Variants in ADGRG3 observed in about 807,000 individuals in gnomAD.
ADGRG3 encodes the protein adhesion G protein-coupled receptor G3, also known as G protein-coupled receptor 97.
Under a neutral mutation model 54.3 loss-of-function variants are expected in ADGRG3, and 39 were observed. That is an observed-to-expected ratio of 0.72 (90% CI 0.56 to 0.94). The LOEUF is 0.94. Ranked by LOEUF, ADGRG3 falls within the 40% of genes least tolerant of loss-of-function variation. The pLI, the probability that ADGRG3 is intolerant of heterozygous loss-of-function variation, is 0.00. For missense variants in ADGRG3, 654 were observed against 694.6 expected, an observed-to-expected ratio of 0.94 and a Z score of 0.66; for synonymous variants, 312 against 290.0, an observed-to-expected ratio of 1.08 and a Z score of -0.77.
intron 11 of ADGRG3, 71 bp downstream of exon 11, chr16:57,685,997 A>G: frequency 1.3e-6 from 2 of 1,507,256 alleles, no homozygotes; most frequent in Non-Finnish European, 1.8e-6. Flanking sequence ...GGTGGGGAAG[A>G]GGGTGGTTTG....
At chr16:57,668,268 G>T, upstream of ADGRG3, 1 of 1,207,690 alleles carries the variant, frequency 8.3e-7, no homozygotes, top group South Asian at 1.3e-5. Flanking sequence ...TGCAGGGTGG[G>T]GGCAGGCCAG....
In ADGRG3 at chr16:57,684,104, G is replaced by A; in HGVS notation, c.1054G>A (p.Ala352Thr). 1 of 1,614,108 alleles carries A rather than the reference G, an allele frequency of 6.2e-7. No homozygotes were observed. Residue 352 changes from alanine to threonine, a missense_variant, in exon 9 of 12, where the codon GCC becomes ACC. Ala to Thr is a moderately conservative substitution (Grantham distance 58, BLOSUM62 0). Coordinates refer to ENST00000333493, the MANE Select transcript of ADGRG3 (RefSeq NM_170776.5). ...GAVFHYFLLC[A>T]FTWMGLEAFH... ...TGTCTTCCACTACTTCCTGCTCTGTGCCTTCACCTGGATGGGCCTTGAAGC... is the reference window on the plus strand; with the variant it reads ...TGTCTTCCACTACTTCCTGCTCTGTACCTTCACCTGGATGGGCCTTGAAGC...
chr16:57,673,080 CT>C (rs1344853247), intron 1 of ADGRG3, among the ~76,000 whole-genome samples: 1 of 152,164 alleles, frequency 6.6e-6, no homozygotes, highest in Non-Finnish European at 1.5e-5. Flanking sequence ...TGTGCCAAGC[CT>C]TTTGTACATG....
intron 2 of ADGRG3, 148 bp from the exon 3 acceptor site, chr16:57,676,052 C>T (rs576245914): frequency 1.5e-4 from 95 of 619,442 alleles, no homozygotes; most frequent in African/African-American, 1.1e-3. Flanking sequence ...GCAGCCTGGA[C>T]GGCCCCCAAG....
chr16:57,678,052 A>G (rs1175503120), intron 3 of ADGRG3, 118 bp from the exon 4 acceptor site: 2 of 1,252,172 alleles, frequency 1.6e-6, no homozygotes, highest in Non-Finnish European at 2.3e-6. Flanking sequence ...CTCAGAGCTG[A>G]CAGTCCCCAG....
In ADGRG3 at chr16:57,685,649, G is replaced by T; in HGVS notation, c.1263G>T (p.Trp421Cys). ...RENRTSLELC[W>C]FREGTTMYAL... is the part of the protein sequence containing the mutation. The stretch of plus-strand genomic sequence containing the variant: ...CAGCTGCCCCCTCCTCCAGATGCTG[G>T]TTCCGTGAAGGGACAACCATGTACG... Residue 421 changes from tryptophan to cysteine, a missense_variant, in exon 11 of 12, where the codon TGG becomes TGT. Physicochemically the swap from Trp to Cys is radical, Grantham distance 215 (BLOSUM62 -2). Coordinates refer to ENST00000333493, the MANE Select transcript of ADGRG3 (RefSeq NM_170776.5). 1 of 1,613,668 alleles carries T rather than the reference G, an allele frequency of 6.2e-7. No homozygotes were observed.
intron 2 of ADGRG3, chr16:57,674,701 G>A (rs1020968013): frequency 1.0e-5 from 4 of 382,858 alleles, no homozygotes; most frequent in Non-Finnish European, 2.1e-5. Flanking sequence ...GCTTATACAT[G>A]GGCCAGGCAC....
chr16:57,686,003 G>A, intron 11 of ADGRG3, 77 bp downstream of exon 11: 2 of 1,439,948 alleles, frequency 1.4e-6, no homozygotes, highest in Non-Finnish European at 1.9e-6. Flanking sequence ...GAAGAGGGTG[G>A]TTTGCAAGAC....
intron 8 of ADGRG3, among the ~76,000 whole-genome samples, chr16:57,680,949 C>G (rs1371802754): frequency 6.6e-6 from 1 of 152,116 alleles, no homozygotes; most frequent in Non-Finnish European, 1.5e-5. Context: ...AAAAGAGGTC[C>G]CCAGAACTTG....
rs1278751385 is a variant in ADGRG3 at position 57,679,802 on chromosome 16, C to G, written c.628-14C>G. 6.2e-7 allele frequency: 1 copy of G among 1,611,572 alleles called. No homozygotes were observed. The highest frequency in any genetic ancestry group is 1.3e-5 in the African/African-American group (1 of 74,852). ...CCCTTTTCCTCTCTCCTGACTTCCACTCTTCGGTTTCAGAACATGACCCTC... is the reference window on the plus strand; with the variant it reads ...CCCTTTTCCTCTCTCCTGACTTCCAGTCTTCGGTTTCAGAACATGACCCTC... On this transcript the variant is annotated splice_polypyrimidine_tract_variant and intron_variant, in intron 5 of 11. Coordinates refer to ENST00000333493, the MANE Select transcript of ADGRG3 (RefSeq NM_170776.5).
intron 1 of ADGRG3, 97 bp downstream of exon 1, chr16:57,668,502 G>A (rs1567849113): frequency 8.5e-6 from 10 of 1,180,812 alleles, no homozygotes; most frequent in Admixed American, 8.1e-5. Context: ...TGGAGAAGGT[G>A]AGGAGTTGGG....
chr16:57,684,804 G>A (rs980560328), intron 10 of ADGRG3, among the ~76,000 whole-genome samples: 33 of 152,158 alleles, frequency 2.2e-4, no homozygotes, highest in African/African-American at 7.5e-4. Flanking sequence ...CACCCCGTCC[G>A]CATGCGGGGT....
At chr16:57,684,917 C>G (rs1480622912) in intron 10 of ADGRG3, among the ~76,000 whole-genome samples, 1 of 152,242 alleles carries the variant, frequency 6.6e-6, no homozygotes, top group Non-Finnish European at 1.5e-5. Flanking sequence ...TTCACAGTAG[C>G]CCTGGGTCTA....
chr16:57,685,181 C>T (rs1256884189), intron 10 of ADGRG3, among the ~76,000 whole-genome samples: 1 of 152,164 alleles, frequency 6.6e-6, no homozygotes, highest in South Asian at 2.1e-4. Context: ...TGTCCCCAGG[C>T]CTCAAAAGCA....
intron 1 of ADGRG3, among the ~76,000 whole-genome samples, chr16:57,670,368 T>G (rs1318540475): frequency 6.6e-6 from 1 of 152,148 alleles, no homozygotes; most frequent in Non-Finnish European, 1.5e-5. Context: ...CTTACATGCC[T>G]GCGCTGAAAT....
At chr16:57,671,841 A>C (rs2048166491) in intron 1 of ADGRG3, among the ~76,000 whole-genome samples, 1 of 152,072 alleles carries the variant, frequency 6.6e-6, no homozygotes, top group African/African-American at 2.4e-5. Context: ...CTATATAAAG[A>C]ATGAGGTGGA....
intron 4 of ADGRG3, chr16:57,678,802 T>G (rs1315667786): frequency 3.0e-6 from 1 of 330,044 alleles, no homozygotes; most frequent in African/African-American, 2.1e-5. Context: ...CCCACCAGCC[T>G]CCTTTCTACC....
chr16:57,674,563 GAAAAGGCTTC>G (rs2048222548), intron 2 of ADGRG3: 2 of 455,250 alleles, frequency 4.4e-6, no homozygotes, highest in Non-Finnish European at 4.4e-6. Flanking sequence ...TCAGTGGCCT[GAAAAGGCTTC>G]CATTCCCACC....
chr16:57,680,234 T>C, intron 6 of ADGRG3, 31 bp from the exon 7 acceptor site: 1 of 952,106 alleles, frequency 1.1e-6, no homozygotes, highest in Non-Finnish European at 1.5e-6. Context: ...CTATATTCCC[T>C]TTCCCTCTGT....
Sources: allele counts gnomAD v4.1 joint callset (sites outside exome capture counted in the v4.1 genomes callset), GRCh38; gene constraint gnomAD v4.1.1; transcripts MANE v1.5; gene names NCBI Gene and HGNC (gene_info 2026-07-23, HGNC 2026-07-21).